The following RADIL variants were observed in gnomAD, a reference collection of about 807,000 sequenced individuals.
The protein encoded by RADIL is Rap associating with DIL domain.
A neutral mutation model predicts 97.6 loss-of-function variants in RADIL; 99 were observed. That is an observed-to-expected ratio of 1.01 (90% CI 0.86 to 1.20). RADIL has a LOEUF of 1.20. Ranked by LOEUF, RADIL falls within the 50% of genes most tolerant of loss-of-function variation. RADIL has a pLI of 0.00. For missense variants in RADIL, 1,765 were observed against 1,498.9 expected (o/e 1.18, Z -2.93); for synonymous variants, 803 against 691.8 (o/e 1.16, Z -2.52).
Position 4,817,332 on chromosome 7 carries a change from G to A in RADIL, c.1635C>T (p.Phe545=), listed in dbSNP as rs770537487. The change falls in exon 7 of 15, where the codon TTC becomes TTT. Residue 545 remains phenylalanine, a synonymous_variant. Coordinates refer to ENST00000399583, the MANE Select transcript of RADIL (RefSeq NM_018059.5). The surrounding 1 kb of genome is among the most constrained non-coding windows in gnomAD (Gnocchi z 8.3). ...CCTCGCTGGCCGTCAGCGTGCAGGAGAACAGCGATTCCTTCGAGCCTGCCG... is the reference window on the plus strand; with the variant it reads ...CCTCGCTGGCCGTCAGCGTGCAGGAAAACAGCGATTCCTTCGAGCCTGCCG... The part of the protein sequence containing the change: ...LDITGSKESL[F]SCTLTASEEA... 4 of 1,612,152 alleles carry A rather than the reference G, an allele frequency of 2.5e-6. No homozygotes were observed. The Admixed American group carries it at 6.7e-5, about 27-fold the overall frequency.
At chr7:4,805,529 A>C (rs1782277794) in intron 10 of RADIL, 37 bp downstream of exon 10, 2 of 1,527,708 alleles carry the variant, frequency 1.3e-6, no homozygotes, top group Non-Finnish European at 1.8e-6. Context: ...TCTCCCACTG[A>C]GTCCCCAGCC....
chr7:4,882,209 C>G (rs1446805067), intron 1 of RADIL: 7 of 152,256 alleles, frequency 4.6e-5, no homozygotes, highest in South Asian at 2.1e-4. Flanking sequence ...TGCCCGCTTC[C>G]GAATCCCAGA....
chr7:4,875,746 C>A (rs566305571), intron 2 of RADIL, among the ~76,000 whole-genome samples: 4 of 152,134 alleles, frequency 2.6e-5, no homozygotes, highest in Non-Finnish European at 5.9e-5. Flanking sequence ...CCACCATGCG[C>A]CTCCTCCCTT....
chr7:4,862,897 C>CA (rs11404610), intron 2 of RADIL, among the ~76,000 whole-genome samples: 66,130 of 144,466 alleles, frequency 0.46, 15,809 homozygotes, highest in African/African-American at 0.62. Flanking sequence ...AACTCTGTCT[C>CA]AAAAAAAAAA....
At position 4,872,316 on chromosome 7, in the gene RADIL, G is replaced by A. The variant is rs916548421; in HGVS notation, c.535+5289C>T. On this transcript the variant is annotated intron_variant, in intron 2 of 14. Coordinates refer to ENST00000399583, the MANE Select transcript of RADIL (RefSeq NM_018059.5). The surrounding 1 kb of genome is among the most constrained non-coding windows in gnomAD (Gnocchi z 5.8). ...ACACTGCTCATCGCCCTGCAACCAC[G>A]GACGCCTCCCTCAGCAAAGATGCCC... Among the ~76,000 whole-genome samples the A allele has an allele frequency of 3.9e-5, 6 of 152,218 alleles. No homozygotes were observed. Among genetic ancestry groups the A allele is most frequent in the African/African-American group, 1.2e-4 (5 of 41,458 alleles).
In RADIL at chr7:4,815,281, G is replaced by T; in HGVS notation, c.2136C>A (p.Ile712=). 1.3e-6 allele frequency: 2 copies of T among 1,555,360 alleles called. No homozygotes were observed. Among genetic ancestry groups the T allele is most frequent in the Non-Finnish European group, 1.7e-6 (2 of 1,149,926 alleles). Residue 712 remains isoleucine (I), a synonymous_variant, in exon 9 of 15, where the codon ATC becomes ATA. Coordinates refer to ENST00000399583, the MANE Select transcript of RADIL (RefSeq NM_018059.5). The surrounding 1 kb of genome is among the most constrained non-coding windows in gnomAD (Gnocchi z 8.0). ...CGCCTCCCATGCGCACCCCTACCTG[G>T]ATGAGCTGGGCCCTGGGTGTGGCCA... ...NLLATPRAQL[I]QMSWTALRAA... is the part of the protein sequence containing the mutation.
In RADIL at chr7:4,809,735, T is replaced by C. The variant is rs544126288; in HGVS notation, c.2140-4019A>G. ...TTTCGCTCTGTCGCCCAGGCCGGAG[T>C]GCAGTGGCGTGATCTCGGCTCACTG... On this transcript the variant is annotated intron_variant, in intron 9 of 14. Coordinates refer to ENST00000399583, the MANE Select transcript of RADIL (RefSeq NM_018059.5). 9.3e-4 allele frequency: 639 copies of C among 684,238 alleles called. 2 individuals carry two copies. The highest frequency in any genetic ancestry group is 8.6e-4 in the Non-Finnish European group (480 of 555,208). 42.4% of individuals were successfully genotyped at this position (684,238 alleles called of 1,614,324 possible).
chr7:4,815,422 G>A lies in RADIL; in HGVS notation c.1995C>T (p.Pro665=). ...RGPSLSCFHW[P]RGVQACARLQ... is the part of the protein sequence containing the mutation. Reference sequence around the variant, plus strand: ...GGCGGGCGCAGGCCTGGACACCTCTGGGCCAGTGGAAGCAGCTCAGGGAGG... The same window carrying A: ...GGCGGGCGCAGGCCTGGACACCTCTAGGCCAGTGGAAGCAGCTCAGGGAGG... The change falls in exon 9 of 15, where the codon CCC becomes CCT. Residue 665 remains proline, a synonymous_variant. Transcript: ENST00000399583. This position sits in a 1 kb window ranked among gnomAD's most constrained non-coding sequence, Gnocchi z 8.0. 2 of 1,546,986 alleles carry A rather than the reference G, an allele frequency of 1.3e-6. No individual in the cohort carries two copies. Among genetic ancestry groups the A allele is most frequent in the African/African-American group, 1.4e-5 (1 of 73,908 alleles).
intron 2 of RADIL, among the ~76,000 whole-genome samples, chr7:4,843,995 C>A (rs976182081): frequency 3.3e-5 from 5 of 151,546 alleles, no homozygotes; most frequent in Admixed American, 2.0e-4. Context: ...ACCAATTCTG[C>A]CATGAGGGAA....
rs943652605 is a variant in RADIL, at chr7:4,878,240, C to A, written c.-64-37G>T. Reference sequence around the variant, plus strand: ...AGTGAGAGAGGTTAGCGCCAACCATCGTGACCACCAAGAGCAAATGAGGCC... The same window carrying A: ...AGTGAGAGAGGTTAGCGCCAACCATAGTGACCACCAAGAGCAAATGAGGCC... On this transcript the variant is annotated intron_variant, in intron 1 of 14. Coordinates refer to ENST00000399583, the MANE Select transcript of RADIL (RefSeq NM_018059.5). This position sits in a 1 kb window ranked among gnomAD's most constrained non-coding sequence, Gnocchi z 4.1. 7.7e-7 allele frequency: 1 copy of A among 1,293,014 alleles called. No homozygotes were observed. The highest frequency in any genetic ancestry group is 1.0e-6 in the Non-Finnish European group (1 of 968,854). The allele number at this position is 1,293,014 out of a possible 1,614,324, so 80.1% of individuals were successfully genotyped here.
chr7:4,860,347 A>G (rs766435065), intron 2 of RADIL: 4 of 1,613,882 alleles, frequency 2.5e-6, no homozygotes, highest in Non-Finnish European at 3.4e-6. Context: ...TTCTTCTTAA[A>G]TGCATTGCAG....
rs556124801 is a variant in RADIL at position 4,799,621 on chromosome 7, T to TG, written c.3122+8dup. 449 of 1,605,766 alleles carry TG rather than the reference T, an allele frequency of 2.8e-4. 3 individuals are homozygous for TG. The African/African-American group carries it at 5.4e-3, about 19-fold the overall frequency. ...GAGAAGGGGCCGGGCGTGCATGCGG[T>TG]GGGGGTACCTCAGGTAGCCAAGGCC... On this transcript the variant is annotated intron_variant, in intron 14 of 14. Coordinates refer to ENST00000399583, the MANE Select transcript of RADIL (RefSeq NM_018059.5).
At chr7:4,803,252 C>T (rs531198235) in intron 11 of RADIL, among the ~76,000 whole-genome samples, 8 of 99,858 alleles carry the variant, frequency 8.0e-5, no homozygotes, top group Admixed American at 3.9e-4. Flanking sequence ...CCTCAGGGCA[C>T]GCTGGCTGGG....
At chr7:4,811,873 A>G (rs953234100) in intron 9 of RADIL, among the ~76,000 whole-genome samples, 11 of 149,660 alleles carry the variant, frequency 7.3e-5, no homozygotes, top group Middle Eastern at 3.7e-3. Context: ...AATCAATTTA[A>G]TTTCTTTTTT....
At chr7:4,838,152 G>A (rs1783351620) in intron 2 of RADIL, 3 of 740,962 alleles carry the variant, frequency 4.0e-6, no homozygotes, top group Non-Finnish European at 3.3e-6. Flanking sequence ...CCTGCCGCCT[G>A]CAGAACCCGG....
In RADIL at chr7:4,837,709, G is replaced by A. The variant is rs1783338349; in HGVS notation, c.536-1104C>T. On this transcript the variant is annotated intron_variant, in intron 2 of 14. Coordinates refer to ENST00000399583, the MANE Select transcript of RADIL (RefSeq NM_018059.5). This position sits in a 1 kb window ranked among gnomAD's most constrained non-coding sequence, Gnocchi z 5.6. ...TTAACACATACATGCACACAAACAT[G>A]CGCACAGTTCAGAGATAACACACAC... is the stretch of plus-strand genomic sequence containing the variant. 4 of 497,862 alleles carry A rather than the reference G, an allele frequency of 8.0e-6. No homozygotes were observed. Among genetic ancestry groups the A allele is most frequent in the Non-Finnish European group, 1.0e-5 (4 of 385,096 alleles). 30.8% of individuals were successfully genotyped at this position (497,862 alleles called of 1,614,324 possible). A position where few individuals can be genotyped will look rare whatever the true frequency, so the allele number is the denominator to read the frequency against.
At chr7:4,861,743 A>T in intron 2 of RADIL, 3 of 1,507,744 alleles carry the variant, frequency 2.0e-6, no homozygotes, top group Non-Finnish European at 2.7e-6. Flanking sequence ...AGGCGAGGAG[A>T]CGCCGTAGCG....
rs1781980576 is a variant in RADIL at position 4,798,576 on chromosome 7, T to C, written c.*802A>G. On this transcript the variant is annotated 3_prime_UTR_variant, in exon 15 of 15. Coordinates refer to ENST00000399583, the MANE Select transcript of RADIL (RefSeq NM_018059.5). Reference sequence around the variant, plus strand: ...AAGTGCCCTGCCCTGGTCCTGCGCATGGTCAGCCAGCTGGTGGAGAGGGAC... The same window carrying C: ...AAGTGCCCTGCCCTGGTCCTGCGCACGGTCAGCCAGCTGGTGGAGAGGGAC... The C allele has an allele frequency of 6.5e-6, 1 of 152,686 alleles. No homozygotes were observed. The highest frequency in any genetic ancestry group is 1.5e-5 in the Non-Finnish European group (1 of 68,076). The allele number at this position is 152,686 out of a possible 1,614,324, so 9.5% of individuals were successfully genotyped here.
chr7:4,862,167 C>A (rs766488290), intron 2 of RADIL, among the ~76,000 whole-genome samples: 1 of 152,246 alleles, frequency 6.6e-6, no homozygotes, highest in South Asian at 2.1e-4. Flanking sequence ...TGTTGATGAC[C>A]GGCCAAACTC....
Sources: gnomAD v4.1 joint callset for allele counts (sites outside exome capture counted in the v4.1 genomes callset) on GRCh38, gnomAD v4.1.1 for gene constraint, Gnocchi (gnomAD v3.1) non-coding constraint, MANE v1.5 for transcripts, NCBI Gene and HGNC (gene_info 2026-07-23, HGNC 2026-07-21) for gene names.